UHRF1: variants seen among roughly 807,000 people sequenced by gnomAD.
UHRF1 encodes the protein ubiquitin like with PHD and ring finger domains 1.
UHRF1 carries 9 observed loss-of-function variants against 96.5 expected under a neutral mutation model. That is an observed-to-expected ratio of 0.09 (90% confidence interval 0.06 to 0.16). The LOEUF (loss-of-function observed/expected upper bound fraction) is 0.16, where lower values mean the gene tolerates loss of function less well. Ranked by LOEUF, UHRF1 falls within the 10% of genes least tolerant of loss-of-function variation. UHRF1 has a pLI of 1.00. For synonymous variants in UHRF1, 455 were observed against 469.9 expected (o/e 0.97, Z 0.41); for missense variants, 626 against 1,131.1 (o/e 0.55, Z 6.40).
At position 4,938,730 on chromosome 19, in the gene UHRF1, G is replaced by GTTTT. The variant is rs71170880; in HGVS notation, c.786-2770_786-2767dup. On this transcript the variant is annotated intron_variant, in intron 5 of 16. Coordinates refer to ENST00000650932, the MANE Select transcript of UHRF1 (RefSeq NM_001048201.3). ...GGCATAAGAGTTTTGTTTTGGTCAG[G>GTTTT]TTTTTTTTTTTTTTTTTTTTTTTTT... Among the ~76,000 whole-genome samples, 125 of 61,576 alleles carry GTTTT rather than the reference G, an allele frequency of 2.0e-3. 9 individuals are homozygous for GTTTT. The highest frequency in any genetic ancestry group is 3.7e-3 in the East Asian group (9 of 2,434). The allele number at this position is 61,576 out of a possible 152,430, so 40.4% of individuals were successfully genotyped here.
At chr19:4,908,034 C>T (rs1334520145), upstream of UHRF1, among the ~76,000 whole-genome samples, 4 of 152,152 alleles carry the variant, frequency 2.6e-5, no homozygotes, top group Non-Finnish European at 5.9e-5. Context: ...ATTGTAAAGC[C>T]TGCTTCCACT....
chr19:4,931,494 G>A (rs1461073337), intron 4 of UHRF1, among the ~76,000 whole-genome samples: 1 of 151,644 alleles, frequency 6.6e-6, no homozygotes, highest in East Asian at 1.9e-4. Context: ...TCGAGACAGA[G>A]TCTTACTCTG....
At chr19:4,940,253 G>T (rs1349899006) in intron 5 of UHRF1, among the ~76,000 whole-genome samples, 2 of 151,572 alleles carry the variant, frequency 1.3e-5, no homozygotes, top group Non-Finnish European at 2.9e-5. Context: ...GTTTCCCTCG[G>T]ACGTTGCTGA....
rs2033495833 is a variant in UHRF1 at position 4,944,240 on chromosome 19, G to T, written c.1182G>T (p.Gln394His). Residue 394 changes from glutamine to histidine, a missense_variant, in exon 8 of 17, where the codon CAG becomes CAT. This residue lies in a region of UHRF1 where 69 missense variants were observed against 159.8 expected (regional missense o/e 0.43). Transcript: ENST00000650932. ...AKMASATSSS[Q>H]RDWGKGMACV... ...TGGCCTCGGCCACATCGTCCTCACA[G>T]CGGGACTGGGGCAAGGTGAGGCGGG... The T allele has an allele frequency of 6.2e-7, 1 of 1,614,066 alleles. No individual in the cohort carries two copies. Among genetic ancestry groups the T allele is most frequent in the Non-Finnish European group, 8.5e-7 (1 of 1,179,906 alleles).
At chr19:4,904,712 C>T (rs529796731), upstream of UHRF1, among the ~76,000 whole-genome samples, 5 of 152,320 alleles carry the variant, frequency 3.3e-5, no homozygotes, top group South Asian at 6.2e-4. Flanking sequence ...TCAATGTCTG[C>T]GTGACCCAGG....
chr19:4,956,212 T>C (rs973766855), intron 15 of UHRF1, among the ~76,000 whole-genome samples: 6 of 152,222 alleles, frequency 3.9e-5, no homozygotes, highest in African/African-American at 1.4e-4. Context: ...ATTACAGGCG[T>C]GAGCCACCAT....
chr19:4,931,538 G>C (rs1298324740), intron 4 of UHRF1, among the ~76,000 whole-genome samples: 8 of 152,120 alleles, frequency 5.3e-5, no homozygotes. Context: ...CGTGGTCTCA[G>C]CTCACTGCAA....
chr19:4,927,974 C>T (rs2032926838), intron 2 of UHRF1, among the ~76,000 whole-genome samples: 2 of 152,218 alleles, frequency 1.3e-5, no homozygotes, highest in African/African-American at 4.8e-5. Flanking sequence ...CTCTCCCTTC[C>T]CACTCAGTGT....
intron 5 of UHRF1, among the ~76,000 whole-genome samples, chr19:4,938,730 G>GTTTTTTTTTTTTTTTTTTTTTTTTTT (rs71170880): frequency 1.3e-4 from 8 of 61,588 alleles, no homozygotes; most frequent in African/African-American, 2.1e-4. Context: ...TTTTGGTCAG[G>GTTTTTTTTTTTTTTTTTTTTTTTTTT]TTTTTTTTTT....
chr19:4,961,882 G>GT lies in UHRF1; in HGVS notation c.*1084dup, dbSNP rs770065238. On this transcript the variant is annotated 3_prime_UTR_variant, in exon 17 of 17. Coordinates refer to ENST00000650932, the MANE Select transcript of UHRF1 (RefSeq NM_001048201.3). Reference sequence around the variant, plus strand: ...ATAACGTTAGGGTTTGGTTGTTTTTGTTTTTGTATTTTTTTTCTTTTGAAA... The same window carrying GT: ...ATAACGTTAGGGTTTGGTTGTTTTTGTTTTTTGTATTTTTTTTCTTTTGAAA... 18 of 131,728 alleles carry GT rather than the reference G, an allele frequency of 1.4e-4. No individual in the cohort carries two copies. The East Asian group carries it at 3.0e-3, about 22-fold the overall frequency. The allele number at this position is 131,728 out of a possible 1,614,324, so 8.2% of individuals were successfully genotyped here. A position where few individuals can be genotyped will look rare whatever the true frequency, so the allele number is the denominator to read the frequency against.
intron 2 of UHRF1, among the ~76,000 whole-genome samples, chr19:4,922,659 G>A (rs936181748): frequency 2.0e-5 from 3 of 152,150 alleles, no homozygotes; most frequent in South Asian, 2.1e-4. Context: ...TTCCTCCTTC[G>A]CGCTTCGGGT....
intron 10 of UHRF1, among the ~76,000 whole-genome samples, chr19:4,946,502 C>G (rs1158345341): frequency 1.3e-5 from 2 of 152,116 alleles, no homozygotes; most frequent in African/African-American, 2.4e-5. Flanking sequence ...GTATCTCCAG[C>G]CCCCGTTTTC....
rs1191759199 is a variant in UHRF1 at position 4,961,222 on chromosome 19, CA to C, written c.*421del. 1 of 92,406 alleles carries C rather than the reference CA, an allele frequency of 1.1e-5. No individual in the cohort carries two copies. The highest frequency in any genetic ancestry group is 2.2e-5 in the Non-Finnish European group (1 of 45,938). 5.7% of individuals were successfully genotyped at this position (92,406 alleles called of 1,614,324 possible). On this transcript the variant is annotated 3_prime_UTR_variant, in exon 17 of 17. Transcript: ENST00000650932. Reference sequence around the variant, plus strand: ...CGGGTTCTGGCCCCCAAGGTCAGAGCAAGCATCTTCCTGACAGCATTTTGTC... The same window carrying C: ...CGGGTTCTGGCCCCCAAGGTCAGAGCAGCATCTTCCTGACAGCATTTTGTC...
At chr19:4,941,426 C>A in intron 5 of UHRF1, 102 bp from the exon 6 acceptor site, 1 of 828,894 alleles carries the variant, frequency 1.2e-6, no homozygotes, top group Non-Finnish European at 2.0e-6. Context: ...CGTAGCTGAG[C>A]TGTTGCCCCA....
At chr19:4,947,870 C>T (rs540044912) in intron 11 of UHRF1, among the ~76,000 whole-genome samples, 3 of 151,356 alleles carry the variant, frequency 2.0e-5, no homozygotes, top group East Asian at 1.9e-4. Flanking sequence ...GGCCGAGGCT[C>T]GAGGATACCT....
At chr19:4,915,581 C>T (rs1369598093) in intron 2 of UHRF1, among the ~76,000 whole-genome samples, 2 of 151,976 alleles carry the variant, frequency 1.3e-5, no homozygotes, top group Non-Finnish European at 2.9e-5. Context: ...GACGTGGTGG[C>T]GCATGTCTGT....
chr19:4,950,565 G>T, intron 11 of UHRF1, 46 bp from the exon 12 acceptor site: 1 of 1,578,876 alleles, frequency 6.3e-7, no homozygotes. Context: ...TTTTTTGGGG[G>T]GTACATCCTC....
intron 1 of UHRF1, among the ~76,000 whole-genome samples, chr19:4,904,404 C>T (rs904959862): frequency 3.9e-5 from 6 of 152,138 alleles, no homozygotes; most frequent in Non-Finnish European, 8.8e-5. Context: ...TGGTCTCAAT[C>T]TCCTGACCTC....
rs1174703634 is a variant in UHRF1 at position 4,921,567 on chromosome 19, C to A, written c.154-7655C>A. ...CCCAGGAATTTGAGACCAGCATGGG[C>A]AACATGGAGAAACCCTGTCTGTACA... On this transcript the variant is annotated intron_variant, in intron 2 of 16. Transcript: ENST00000650932. Among the ~76,000 whole-genome samples the A allele has an allele frequency of 7.9e-5, 12 of 152,264 alleles. No homozygotes were observed. In the East Asian group the frequency reaches 2.3e-3, roughly 29 times the overall value.
Sources: gnomAD v4.1 joint callset for allele counts (sites outside exome capture counted in the v4.1 genomes callset) on GRCh38, gnomAD v4.1.1 for gene constraint, gnomAD v4.1.1 regional missense constraint, MANE v1.5 for transcripts, NCBI Gene and HGNC (gene_info 2026-07-23, HGNC 2026-07-21) for gene names.